PTPRJ: variants seen among roughly 807,000 people sequenced by gnomAD.
PTPRJ encodes the protein protein tyrosine phosphatase receptor type J, also known as receptor-type tyrosine-protein phosphatase eta.
In PTPRJ, 129 loss-of-function variants were observed where a neutral mutation model predicts 141.3. That is an observed-to-expected ratio of 0.91 (90% confidence interval 0.79 to 1.06). PTPRJ has a LOEUF of 1.06. Among genes scored for constraint, PTPRJ ranks in the 50% least tolerant of loss-of-function variants. The pLI is 0.00. For synonymous variants in PTPRJ, 610 were observed against 640.5 expected (o/e 0.95, Z 0.72); for missense variants, 1,601 against 1,679.7 (o/e 0.95, Z 0.82).
chr11:48,003,686 G>A (rs994281634), intron 1 of PTPRJ, among the ~76,000 whole-genome samples: 1 of 152,068 alleles, frequency 6.6e-6, no homozygotes, highest in African/African-American at 2.4e-5. Context: ...AGTAAAGATG[G>A]GGTTTCATCA....
At chr11:48,021,265 T>C (rs1399653685) in intron 1 of PTPRJ, among the ~76,000 whole-genome samples, 1 of 151,988 alleles carries the variant, frequency 6.6e-6, no homozygotes, top group East Asian at 1.9e-4. Flanking sequence ...TCCCAGCTAC[T>C]GGGGAGGCTG....
At chr11:47,981,157 C>T (rs1853894742) in intron 1 of PTPRJ, 149 bp downstream of exon 1, 2 of 821,492 alleles carry the variant, frequency 2.4e-6, no homozygotes, top group Non-Finnish European at 3.2e-6. Flanking sequence ...CTTGCGGGGA[C>T]CCCGGCCGGC....
At chr11:48,070,537 T>C (rs1855219216) in intron 1 of PTPRJ, among the ~76,000 whole-genome samples, 1 of 149,988 alleles carries the variant, frequency 6.7e-6, no homozygotes, top group South Asian at 2.1e-4. Flanking sequence ...AGGAATTGGG[T>C]TGGGACTCAG....
In PTPRJ at chr11:48,144,836, A is replaced by G. The variant is rs376440559; in HGVS notation, c.2737A>G (p.Thr913Ala). 9.9e-6 allele frequency: 16 copies of G among 1,614,184 alleles called. No individual in the cohort carries two copies. The East Asian group carries it at 2.5e-4, about 25-fold the overall frequency. Residue 913 changes from threonine (T) to alanine (A), a missense_variant, in exon 13 of 25, where the codon ACC becomes GCC. Coordinates refer to ENST00000418331, the MANE Select transcript of PTPRJ (RefSeq NM_002843.4). ...KYEIDVGNES[T>A]TLGYYNGKLE... is the part of the protein sequence containing the mutation. The stretch of plus-strand genomic sequence containing the variant: ...TGAAATTGACGTTGGGAATGAGTCA[A>G]CCACACTTGGTTATTACAATGGGAA...
chr11:48,148,172 A>G (rs1440396300), intron 15 of PTPRJ, among the ~76,000 whole-genome samples: 1 of 152,098 alleles, frequency 6.6e-6, no homozygotes, highest in African/African-American at 2.4e-5. Flanking sequence ...TGGGGGGGGA[A>G]ATGGATCAGT....
At position 48,130,692 on chromosome 11, in the gene PTPRJ, T is replaced by TGCC; in HGVS notation, c.1591_1592insGCC (p.Ser531delinsCysPro). ...AGGACCAAATGGGACTGAAGGGGCA[T>TGCC]CTCGGACAGTTTGCAATAGAACTGG... On this transcript the variant is annotated protein_altering_variant, in exon 8 of 25. Transcript: ENST00000418331. The TGCC allele has an allele frequency of 6.2e-7, 1 of 1,613,132 alleles. No individual in the cohort carries two copies. The highest frequency in any genetic ancestry group is 8.5e-7 in the Non-Finnish European group (1 of 1,179,304).
intron 1 of PTPRJ, among the ~76,000 whole-genome samples, chr11:48,100,666 G>A (rs373976713): frequency 9.2e-5 from 14 of 152,094 alleles, no homozygotes; most frequent in South Asian, 8.3e-4. Flanking sequence ...GTGGATCACC[G>A]GAGGTCAGGA....
In PTPRJ at chr11:48,139,597, G is replaced by A. The variant is rs1194741220; in HGVS notation, c.2264G>A (p.Ser755Asn). 6.2e-7 allele frequency: 1 copy of A among 1,614,126 alleles called. No homozygotes were observed. The highest frequency in any genetic ancestry group is 8.5e-7 in the Non-Finnish European group (1 of 1,180,050). Reference sequence around the variant, plus strand: ...AATGCAGGCTTTGAGCTGGAGGTCAGCAGTGGAGCCTGGAACAATGCGACC... The same window carrying A: ...AATGCAGGCTTTGAGCTGGAGGTCAACAGTGGAGCCTGGAACAATGCGACC... ...GANAGFELEV[S>N]SGAWNNATHL... Residue 755 changes from serine to asparagine, a missense_variant, in exon 11 of 25, where the codon AGC (serine) becomes AAC (asparagine). Transcript: ENST00000418331.
chr11:48,012,916 C>T (rs1452143212), intron 1 of PTPRJ, among the ~76,000 whole-genome samples: 1 of 152,102 alleles, frequency 6.6e-6, no homozygotes, highest in South Asian at 2.1e-4. Flanking sequence ...ACCAACCTGG[C>T]CAACATCGTG....
rs768064308 is a variant in PTPRJ, at chr11:48,163,592, C to A, written c.3693C>A (p.Pro1231=). 6.2e-7 allele frequency: 1 copy of A among 1,613,796 alleles called. No homozygotes were observed. The highest frequency in any genetic ancestry group is 1.1e-5 in the South Asian group (1 of 91,074). ...GTGACTACATGAAGCAGAGTCCTCC[C>A]GAATCGCCGATTCTGGTGCATTGCA... ...LVRDYMKQSP[P]ESPILVHCSA... is the part of the protein sequence containing the mutation. The change falls in exon 23 of 25, where the codon CCC becomes CCA. Residue 1231 remains proline, a synonymous_variant. Transcript: ENST00000418331.
At chr11:48,132,202 A>T in intron 8 of PTPRJ, 1 of 985,402 alleles carries the variant, frequency 1.0e-6, no homozygotes, top group Non-Finnish European at 1.2e-6. Flanking sequence ...CACTGTGATG[A>T]GATACTTTGT....
chr11:47,982,754 A>G (rs1318712015), intron 1 of PTPRJ, among the ~76,000 whole-genome samples: 1 of 151,960 alleles, frequency 6.6e-6, no homozygotes, highest in African/African-American at 2.4e-5. Context: ...TCAATCAGCA[A>G]AAAGTTTCTT....
chr11:48,070,041 A>G (rs934337634), intron 1 of PTPRJ, among the ~76,000 whole-genome samples: 1 of 152,204 alleles, frequency 6.6e-6, no homozygotes, highest in Non-Finnish European at 1.5e-5. Flanking sequence ...CCACATTGAG[A>G]AACATTCACC....
intron 8 of PTPRJ, among the ~76,000 whole-genome samples, chr11:48,133,127 A>C (rs1857018090): frequency 6.6e-6 from 1 of 152,200 alleles, no homozygotes; most frequent in Non-Finnish European, 1.5e-5. Context: ...TTCATGGAGC[A>C]GGTATTATTA....
chr11:47,990,699 T>TTA (rs1440719638), intron 1 of PTPRJ, among the ~76,000 whole-genome samples: 1 of 150,900 alleles, frequency 6.6e-6, no homozygotes, highest in African/African-American at 2.4e-5. Flanking sequence ...TTTTTTTTTT[T>TTA]TTTGGAGACG....
chr11:48,052,101 T>G (rs1024904167), intron 1 of PTPRJ, among the ~76,000 whole-genome samples: 5 of 152,244 alleles, frequency 3.3e-5, no homozygotes, highest in Non-Finnish European at 7.3e-5. Flanking sequence ...TCTTCTGCAC[T>G]TTCTTTCTAG....
At chr11:48,020,063 T>G (rs1363992565) in intron 1 of PTPRJ, among the ~76,000 whole-genome samples, 1 of 152,256 alleles carries the variant, frequency 6.6e-6, no homozygotes, top group Non-Finnish European at 1.5e-5. Flanking sequence ...TTCCAGTATT[T>G]ATACGGAACT....
intron 1 of PTPRJ, among the ~76,000 whole-genome samples, chr11:48,080,356 A>C (rs997858391): frequency 6.6e-6 from 1 of 152,232 alleles, no homozygotes; most frequent in Non-Finnish European, 1.5e-5. Flanking sequence ...AACTATGGGA[A>C]GTAGCTATTG....
At chr11:48,022,643 C>A (rs1457836801) in intron 1 of PTPRJ, among the ~76,000 whole-genome samples, 2 of 152,162 alleles carry the variant, frequency 1.3e-5, no homozygotes, top group East Asian at 3.9e-4. Context: ...GTTTGACTTG[C>A]ACAGTGCTTT....
Sources: allele counts gnomAD v4.1 joint callset (sites outside exome capture counted in the v4.1 genomes callset), GRCh38; gene constraint gnomAD v4.1.1; transcripts MANE v1.5; gene names NCBI Gene and HGNC (gene_info 2026-07-23, HGNC 2026-07-21).